Variants in INVS observed in about 807,000 individuals in gnomAD.
INVS encodes inversion of embryo turning homolog.
A neutral mutation model predicts 108.8 loss-of-function variants in INVS; 86 were observed. The ratio of observed to expected loss-of-function variants is 0.79; its 90% CI spans 0.66 to 0.95. The LOEUF is 0.95. Ranked by LOEUF, INVS falls within the 40% of genes least tolerant of loss-of-function variation. The pLI, the probability that INVS is intolerant of heterozygous loss-of-function variation, is 0.00. For missense variants in INVS, 1,169 were observed against 1,297.4 expected (o/e 0.90, Z 1.52); for synonymous variants, 455 against 473.5 (o/e 0.96, Z 0.51).
intron 3 of INVS, among the ~76,000 whole-genome samples, chr9:100,188,816 T>C (rs932573364): frequency 6.6e-6 from 1 of 152,040 alleles, no homozygotes; most frequent in Non-Finnish European, 1.5e-5. Context: ...CCATCTGACC[T>C]TGGGCGTTTT....
intron 2 of INVS, among the ~76,000 whole-genome samples, chr9:100,114,896 G>A (rs1001075461): frequency 6.6e-6 from 1 of 152,126 alleles, no homozygotes; most frequent in Non-Finnish European, 1.5e-5. Context: ...TAATGCTGCC[G>A]TAAATATTCA....
At position 100,264,888 on chromosome 9, in the gene INVS, T is replaced by A. The variant is rs754920081; in HGVS notation, c.1531T>A (p.Phe511Ile). 6.2e-7 allele frequency: 1 copy of A among 1,613,862 alleles called. No individual in the cohort carries two copies. Among genetic ancestry groups the A allele is most frequent in the South Asian group, 1.1e-5 (1 of 91,076 alleles). The change falls in exon 11 of 17, where the codon TTT (phenylalanine) becomes ATT (isoleucine). Residue 511 changes from phenylalanine to isoleucine, a missense_variant. Around this residue, in one of 3 missense-constraint regions of INVS, gnomAD observed 271 missense variants for 363.8 expected, o/e 0.74. Transcript: ENST00000262457. ...YLDAIKLLLD[F>I]AAFPNQMENN... is the part of the protein sequence containing the mutation. ...TGATGCCATTAAATTACTGCTAGAC[T>A]TTGCTGCTTTCCCTAATCAGATGGA...
intron 3 of INVS, among the ~76,000 whole-genome samples, chr9:100,199,678 A>G (rs144712619): frequency 4.6e-4 from 70 of 152,278 alleles, no homozygotes; most frequent in African/African-American, 1.5e-3. Context: ...GAAGTACACC[A>G]TCATCCCTGT....
intron 14 of INVS, among the ~76,000 whole-genome samples, chr9:100,296,644 C>T (rs1453943474): frequency 1.3e-5 from 2 of 152,218 alleles, no homozygotes; most frequent in Admixed American, 6.5e-5. Context: ...TACTCTCATG[C>T]CACACGTACC....
chr9:100,175,331 C>G, intron 3 of INVS: 2 of 735,016 alleles, frequency 2.7e-6, no homozygotes. Flanking sequence ...AGAGTCTGGA[C>G]AGCTCTAATT....
chr9:100,164,662 T>C (rs1829301973), intron 3 of INVS, among the ~76,000 whole-genome samples: 1 of 152,160 alleles, frequency 6.6e-6, no homozygotes, highest in Admixed American at 6.5e-5. Flanking sequence ...AATGTAATCA[T>C]GATAGTACTT....
chr9:100,270,666 T>G (rs1212413632), intron 11 of INVS, among the ~76,000 whole-genome samples: 1 of 147,868 alleles, frequency 6.8e-6, no homozygotes, highest in Non-Finnish European at 1.5e-5. Context: ...GAGAATTGCT[T>G]GAACCTGGGA....
rs144943985 is a variant in INVS, at chr9:100,298,618, C to G, written c.3091+608C>G. Among the ~76,000 whole-genome samples, 9 of 147,538 alleles carry G rather than the reference C, an allele frequency of 6.1e-5. No homozygotes were observed. The East Asian group carries it at 1.8e-3, about 30-fold the overall frequency. On this transcript the variant is annotated intron_variant, in intron 16 of 16. Transcript: ENST00000262457. ...GGTGGCTATGGCAACACGCTCCCCC[C>G]TGCCTCCTCGATCCACACAGTCATC...
At chr9:100,225,375 C>G (rs1196240636) in intron 3 of INVS, among the ~76,000 whole-genome samples, 1 of 152,166 alleles carries the variant, frequency 6.6e-6, no homozygotes, top group African/African-American at 2.4e-5. Context: ...AATAAGCTGC[C>G]TCTACCTTAG....
chr9:100,148,037 A>C (rs1026183349), intron 3 of INVS, among the ~76,000 whole-genome samples: 1 of 137,012 alleles, frequency 7.3e-6, no homozygotes, highest in African/African-American at 3.2e-5. Flanking sequence ...AAAAAAAAAA[A>C]AAAATTTAGC....
chr9:100,174,609 A>G (rs1313000409), intron 3 of INVS, among the ~76,000 whole-genome samples: 3 of 152,132 alleles, frequency 2.0e-5, no homozygotes, highest in Non-Finnish European at 4.4e-5. Flanking sequence ...GAACTCCAAT[A>G]AGATAAATAC....
At chr9:100,228,753 T>C (rs1345220438) in intron 4 of INVS, among the ~76,000 whole-genome samples, 2 of 152,224 alleles carry the variant, frequency 1.3e-5, no homozygotes, top group African/African-American at 4.8e-5. Context: ...TTAGGTTCCG[T>C]GTGCTGTTTC....
intron 3 of INVS, chr9:100,175,671 T>G: frequency 1.6e-6 from 1 of 642,552 alleles, no homozygotes. Flanking sequence ...CCCCAGCCTC[T>G]ATTCTTCCTG....
chr9:100,293,059 G>A lies in INVS; in HGVS notation c.2786+16G>A. Reference sequence around the variant, plus strand: ...CCTGGCGAAGGTAGGAAAATGGGGTGCTGCCGCATCTGTGGTTCTTTGTTA... The same window carrying A: ...CCTGGCGAAGGTAGGAAAATGGGGTACTGCCGCATCTGTGGTTCTTTGTTA... On this transcript the variant is annotated intron_variant, in intron 14 of 16. Coordinates refer to ENST00000262457, the MANE Select transcript of INVS (RefSeq NM_014425.5). 2 of 1,598,498 alleles carry A rather than the reference G, an allele frequency of 1.3e-6. No homozygotes were observed. The highest frequency in any genetic ancestry group is 2.2e-5 in the South Asian group (2 of 90,738).
At chr9:100,215,944 T>C (rs1830972818) in intron 3 of INVS, among the ~76,000 whole-genome samples, 1 of 152,206 alleles carries the variant, frequency 6.6e-6, no homozygotes, top group Non-Finnish European at 1.5e-5. Flanking sequence ...CCTTTTACTT[T>C]GTATCCATTC....
chr9:100,284,727 A>G, intron 13 of INVS, 124 bp downstream of exon 13: 1 of 1,026,812 alleles, frequency 9.7e-7, no homozygotes, highest in Non-Finnish European at 1.5e-6. Context: ...CCACTTTATG[A>G]TTTGTGTTCT....
intron 3 of INVS, among the ~76,000 whole-genome samples, chr9:100,211,531 A>T (rs982120165): frequency 6.6e-6 from 1 of 152,064 alleles, no homozygotes; most frequent in East Asian, 1.9e-4. Flanking sequence ...TGACAGTAAC[A>T]TTTTCTCCTT....
chr9:100,114,626 A>G (rs1342729539), intron 2 of INVS, among the ~76,000 whole-genome samples: 2 of 151,856 alleles, frequency 1.3e-5, no homozygotes, highest in Non-Finnish European at 2.9e-5. Flanking sequence ...GCTGGTCTCA[A>G]ACTCCAGGCT....
chr9:100,264,389 G>A (rs1395960550), intron 10 of INVS, among the ~76,000 whole-genome samples: 2 of 151,996 alleles, frequency 1.3e-5, no homozygotes, highest in South Asian at 2.1e-4. Flanking sequence ...AGGCTGAGGC[G>A]GGTGGATCAC....
Sources: allele counts gnomAD v4.1 joint callset (sites outside exome capture counted in the v4.1 genomes callset), GRCh38; gene constraint gnomAD v4.1.1; regional missense constraint gnomAD v4.1.1; transcripts MANE v1.5; gene names NCBI Gene and HGNC (gene_info 2026-07-23, HGNC 2026-07-21).